Variants in VPS13B observed in about 807,000 individuals in gnomAD.
VPS13B encodes the protein intermembrane lipid transfer protein VPS13B.
Under a neutral mutation model 426.4 loss-of-function variants are expected in VPS13B, and 285 were observed. The observed-to-expected ratio is 0.67, with a 90% confidence interval of 0.61 to 0.74. VPS13B has a LOEUF of 0.74. Ranked by LOEUF, VPS13B falls within the 30% of genes least tolerant of loss-of-function variation. VPS13B has a pLI of 0.00. For synonymous variants in VPS13B, 1,676 were observed against 1,676.4 expected (o/e 1.00, Z 0.01); for missense variants, 4,537 against 4,782.6 (o/e 0.95, Z 1.51).
At chr8:99,029,143 C>T (rs891532208) in intron 2 of VPS13B, among the ~76,000 whole-genome samples, 26 of 138,722 alleles carry the variant, frequency 1.9e-4, no homozygotes, top group Admixed American at 4.3e-4. Flanking sequence ...CCAGACAGGG[C>T]GGCGGGGCAG....
At chr8:99,429,089 A>G (rs1336799319) in intron 21 of VPS13B, among the ~76,000 whole-genome samples, 3 of 152,108 alleles carry the variant, frequency 2.0e-5, no homozygotes, top group Non-Finnish European at 2.9e-5. Context: ...ATGAGAACAC[A>G]TGGACACAGG....
intron 35 of VPS13B, among the ~76,000 whole-genome samples, chr8:99,692,817 AAG>A (rs1304663300): frequency 1.4e-5 from 2 of 147,492 alleles, no homozygotes; most frequent in Non-Finnish European, 3.0e-5. Context: ...TAAAGAAAAA[AAG>A]AGAGAAGAAT....
rs1424657097 is a variant in VPS13B, at chr8:99,563,709, CTGGCACATAATGTCATGCT to C, written c.4949+7067_4949+7085del. On this transcript the variant is annotated intron_variant, in intron 31 of 61. Transcript: ENST00000357162. The stretch of plus-strand genomic sequence containing the variant: ...AGTATGAAAGTGTGGCATGTTTTAT[CTGGCACATAATGTCATGCT>C]TGGCACATAACAGATACCAAATAAA... 2.6e-5 allele frequency among the ~76,000 whole-genome samples: 4 copies of C among 152,238 alleles called. No individual in the cohort carries two copies. The East Asian group carries it at 7.7e-4, about 29-fold the overall frequency.
At position 99,834,900 on chromosome 8, in the gene VPS13B, G is replaced by A. The variant is rs180745274; in HGVS notation, c.9615-297G>A. ...GGAAGAAGAAAGTACCCTGCCTGGC[G>A]AAGGAGTTTAACACACATATGCATG... On this transcript the variant is annotated intron_variant, in intron 52 of 61. Coordinates refer to ENST00000357162, the MANE Select transcript of VPS13B (RefSeq NM_152564.5). Among the ~76,000 whole-genome samples, 53 of 152,292 alleles carry A rather than the reference G, an allele frequency of 3.5e-4. 1 individual carries two copies. Among genetic ancestry groups the A allele is most frequent in the Admixed American group, 2.7e-3 (41 of 15,294 alleles).
rs188931540 is a variant in VPS13B at position 99,654,040 on chromosome 8, T to G, written c.5909-7314T>G. On this transcript the variant is annotated intron_variant, in intron 34 of 61. Transcript: ENST00000357162. ...ATTGGATGATGATGATGATTATTAT[T>G]ATTATTATTATTATATATATTTTTT... 2.2e-3 allele frequency among the ~76,000 whole-genome samples: 338 copies of G among 151,094 alleles called. 2 individuals are homozygous for G. The highest frequency in any genetic ancestry group is 3.6e-3 in the African/African-American group (148 of 41,230).
At chr8:99,478,114 T>C (rs1236648930) in intron 24 of VPS13B, among the ~76,000 whole-genome samples, 1 of 150,884 alleles carries the variant, frequency 6.6e-6, no homozygotes, top group Non-Finnish European at 1.5e-5. Flanking sequence ...AAGAAGCCCA[T>C]AGAATCTTTT....
chr8:99,596,443 C>T (rs1827020211), intron 33 of VPS13B, among the ~76,000 whole-genome samples: 1 of 151,956 alleles, frequency 6.6e-6, no homozygotes, highest in African/African-American at 2.4e-5. Flanking sequence ...AGGTAACAGT[C>T]CTTAGGTCAG....
intron 35 of VPS13B, among the ~76,000 whole-genome samples, chr8:99,665,915 G>A (rs1333549032): frequency 6.6e-6 from 1 of 152,068 alleles, no homozygotes; most frequent in Non-Finnish European, 1.5e-5. Context: ...TGGGCAGTAT[G>A]GCCATTTTCA....
intron 19 of VPS13B, among the ~76,000 whole-genome samples, chr8:99,290,785 C>G (rs1411241391): frequency 6.6e-6 from 1 of 151,940 alleles, no homozygotes; most frequent in Non-Finnish European, 1.5e-5. Flanking sequence ...TAAGTCATGT[C>G]TAAGATGAGT....
intron 31 of VPS13B, among the ~76,000 whole-genome samples, chr8:99,566,570 G>A (rs1295298771): frequency 9.2e-5 from 14 of 152,040 alleles, no homozygotes; most frequent in Admixed American, 7.9e-4. Context: ...AGCCTCCTGA[G>A]TAGCTGGAAT....
chr8:99,334,051 A>G (rs1219255293), intron 19 of VPS13B, among the ~76,000 whole-genome samples: 1 of 151,854 alleles, frequency 6.6e-6, no homozygotes, highest in Non-Finnish European at 1.5e-5. Context: ...CCTTTTGTGG[A>G]CATATATTGT....
chr8:99,251,396 C>CT (rs995077284), intron 17 of VPS13B, among the ~76,000 whole-genome samples: 4 of 151,452 alleles, frequency 2.6e-5, no homozygotes, highest in Non-Finnish European at 5.9e-5. Flanking sequence ...TTGTCAAATG[C>CT]TTTTTTTGCA....
intron 34 of VPS13B, among the ~76,000 whole-genome samples, chr8:99,645,232 A>C (rs530746416): frequency 1.3e-5 from 2 of 152,350 alleles, no homozygotes; most frequent in Non-Finnish European, 2.9e-5. Flanking sequence ...TCAGGTATGG[A>C]AAACCTGGGT....
chr8:99,696,342 GC>G (rs1179781322), intron 35 of VPS13B: 6 of 272,658 alleles, frequency 2.2e-5, no homozygotes, highest in African/African-American at 1.1e-4. Context: ...AGCTGGATGA[GC>G]TGAAGCGCTA....
At chr8:99,768,373 T>C (rs924893209) in intron 40 of VPS13B, among the ~76,000 whole-genome samples, 55 of 152,368 alleles carry the variant, frequency 3.6e-4, no homozygotes, top group African/African-American at 1.3e-3. Flanking sequence ...TTTGCCCATA[T>C]GTGTACACGC....
chr8:99,564,762 C>T (rs1825103600), intron 31 of VPS13B, among the ~76,000 whole-genome samples: 3 of 152,154 alleles, frequency 2.0e-5, no homozygotes, highest in Admixed American at 2.0e-4. Context: ...CTACAGTAAA[C>T]TAAATTTGAA....
chr8:99,018,459 A>G (rs927182816), intron 2 of VPS13B, among the ~76,000 whole-genome samples: 3 of 152,236 alleles, frequency 2.0e-5, no homozygotes, highest in Admixed American at 6.5e-5. Context: ...CAATTTTAGT[A>G]TGTCGACCTA....
At chr8:99,733,275 A>G (rs1281184989) in intron 39 of VPS13B, among the ~76,000 whole-genome samples, 1 of 152,178 alleles carries the variant, frequency 6.6e-6, no homozygotes, top group Non-Finnish European at 1.5e-5. Flanking sequence ...GGAAAGAGGG[A>G]AGTACAGAAA....
chr8:99,478,447 G>GTTTTGTTTTTTTTTT (rs1819822769), intron 24 of VPS13B, among the ~76,000 whole-genome samples: 9 of 85,746 alleles, frequency 1.0e-4, no homozygotes, highest in South Asian at 3.7e-4. Context: ...TTTTTGTTTT[G>GTTTTGTTTTTTTTTT]TTTTTTTTTT....
Sources: allele counts gnomAD v4.1 joint callset (sites outside exome capture counted in the v4.1 genomes callset), GRCh38; gene constraint gnomAD v4.1.1; transcripts MANE v1.5; gene names NCBI Gene and HGNC (gene_info 2026-07-23, HGNC 2026-07-21).